The following ARID2 variants were observed in gnomAD, a reference collection of about 807,000 sequenced individuals.
ARID2 encodes the protein AT-rich interaction domain 2, also known as AT-rich interactive domain-containing protein 2.
Under a neutral mutation model 184.6 loss-of-function variants are expected in ARID2, and 32 were observed. The observed-to-expected ratio is 0.17, with a 90% confidence interval of 0.13 to 0.23. ARID2 has a LOEUF of 0.23. ARID2 is among the 10% of genes least tolerant of loss of function. The probability of loss-of-function intolerance (pLI) is 1.00; values close to 1 mark genes in which losing one functional copy is unlikely to be tolerated. For synonymous variants in ARID2, 836 were observed against 772.6 expected (o/e 1.08, Z -1.36); for missense variants, 1,696 against 2,197.6 (o/e 0.77, Z 4.56).
intron 16 of ARID2, among the ~76,000 whole-genome samples, chr12:45,876,127 T>G (rs1467848917): frequency 6.6e-6 from 1 of 152,256 alleles, no homozygotes; most frequent in African/African-American, 2.4e-5. Flanking sequence ...TTCCTTTCAC[T>G]TGAACACTGA....
Position 45,730,071 on chromosome 12 carries a change from G to T in ARID2, c.120G>T (p.Val40=), listed in dbSNP as rs201596354. Residue 40 remains valine, a synonymous_variant, in exon 2 of 21, where the codon GTG becomes GTT. Transcript: ENST00000334344. The part of the protein sequence containing the change: ...RGSPFKKIPA[V]GGKELDLHGL... ...CGCCTTTTAAAAAAATCCCTGCGGTGGGTGGGAAGGAGCTGGATCTTCACG... is the reference window on the plus strand; with the variant it reads ...CGCCTTTTAAAAAAATCCCTGCGGTTGGTGGGAAGGAGCTGGATCTTCACG... The T allele has an allele frequency of 2.4e-5, 39 of 1,613,670 alleles. No individual in the cohort carries two copies. The East Asian group carries it at 4.7e-4, about 19-fold the overall frequency.
intron 3 of ARID2, among the ~76,000 whole-genome samples, chr12:45,782,487 G>A (rs145767175): frequency 1.3e-5 from 2 of 152,028 alleles, no homozygotes; most frequent in Admixed American, 1.3e-4. Context: ...CAAAAATTAG[G>A]TGGGCATGTT....
intron 3 of ARID2, among the ~76,000 whole-genome samples, chr12:45,742,355 T>C (rs187385212): frequency 1.6e-4 from 24 of 152,352 alleles, no homozygotes; most frequent in Admixed American, 1.6e-3. Flanking sequence ...TAACATGCTG[T>C]ATAGGTATGT....
Position 45,747,184 on chromosome 12 carries a change from T to C in ARID2, c.284+15870T>C, listed in dbSNP as rs138999508. On this transcript the variant is annotated intron_variant, in intron 3 of 20. Transcript: ENST00000334344. ...TAAGGACTTCAAGGGAATAAAAATA[T>C]GAAAATGGTTAGGGTAGTTGTGGGA... Among the ~76,000 whole-genome samples, 121 of 152,340 alleles carry C rather than the reference T, an allele frequency of 7.9e-4. 1 individual carries two copies. Among genetic ancestry groups the C allele is most frequent in the African/African-American group, 2.8e-3 (118 of 41,590 alleles).
At chr12:45,887,368 C>A in intron 16 of ARID2, among the ~76,000 whole-genome samples, 1 of 151,938 alleles carries the variant, frequency 6.6e-6, no homozygotes, top group Admixed American at 6.6e-5. Flanking sequence ...ATTCTGGTTC[C>A]TTTCTTTTGA....
intron 3 of ARID2, among the ~76,000 whole-genome samples, chr12:45,769,616 GGAA>G (rs1490185627): frequency 6.6e-6 from 1 of 152,140 alleles, no homozygotes; most frequent in Non-Finnish European, 1.5e-5. Context: ...AACAGAAAAT[GGAA>G]GAAGGACTGA....
At chr12:45,806,590 C>T (rs1229357777) in intron 3 of ARID2, among the ~76,000 whole-genome samples, 1 of 152,104 alleles carries the variant, frequency 6.6e-6, no homozygotes, top group Non-Finnish European at 1.5e-5. Flanking sequence ...GTTTCTCAGG[C>T]TTACTTTGTA....
At position 45,851,823 on chromosome 12, in the gene ARID2, A is replaced by G. The variant is rs769648999; in HGVS notation, c.3700A>G (p.Thr1234Ala). 9 of 1,614,016 alleles carry G rather than the reference A, an allele frequency of 5.6e-6. No individual in the cohort carries two copies. Among genetic ancestry groups the G allele is most frequent in the Non-Finnish European group, 6.8e-6 (8 of 1,179,994 alleles). ...PAGQSSCTTATPPFKGDKIIC... is the reference protein window; with the variant it reads ...PAGQSSCTTAAPPFKGDKIIC... ...TGGACAATCATCATGTACTACTGCT[A>G]CTCCCCCATTCAAAGGTGATAAAAT... Residue 1234 changes from threonine (T) to alanine (A), a missense_variant, in exon 15 of 21, where the codon ACT becomes GCT. Around this residue, in one of 11 missense-constraint regions of ARID2, gnomAD observed 428 missense variants for 409.1 expected, o/e 1.05. Coordinates refer to ENST00000334344, the MANE Select transcript of ARID2 (RefSeq NM_152641.4).
chr12:45,801,202 C>T (rs897004960), intron 3 of ARID2, among the ~76,000 whole-genome samples: 7 of 151,756 alleles, frequency 4.6e-5, no homozygotes, highest in African/African-American at 1.5e-4. Flanking sequence ...GTCGCAGCTA[C>T]TTGGTAGGCT....
intron 16 of ARID2, chr12:45,881,779 C>A: frequency 5.3e-6 from 1 of 189,074 alleles, no homozygotes; most frequent in Non-Finnish European, 1.1e-5. Context: ...CTTGCAGAAT[C>A]AAGGGTCCTG....
At chr12:45,817,510 T>C (rs962102449) in intron 4 of ARID2, among the ~76,000 whole-genome samples, 160 bp from the exon 5 acceptor site, 3 of 148,590 alleles carry the variant, frequency 2.0e-5, no homozygotes, top group Non-Finnish European at 4.5e-5. Flanking sequence ...TTGAACGTTT[T>C]GAACCTCTAA....
chr12:45,818,149 T>C (rs992187488), intron 5 of ARID2, among the ~76,000 whole-genome samples: 3 of 152,176 alleles, frequency 2.0e-5, no homozygotes, highest in African/African-American at 7.2e-5. Flanking sequence ...GTTGAGACGA[T>C]TGCTTGCTAC....
intron 3 of ARID2, chr12:45,789,731 A>C (rs1364915901): frequency 6.6e-6 from 1 of 152,160 alleles, no homozygotes. Flanking sequence ...ACTAGTACTT[A>C]CAAGTTTTTC....
intron 3 of ARID2, among the ~76,000 whole-genome samples, chr12:45,744,999 G>A (rs916732347): frequency 3.3e-5 from 5 of 152,142 alleles, no homozygotes; most frequent in African/African-American, 7.2e-5. Flanking sequence ...GTGCAGGCAC[G>A]TGTGTGTGTA....
chr12:45,819,747 GT>G (rs199943110), intron 5 of ARID2, among the ~76,000 whole-genome samples: 91 of 143,306 alleles, frequency 6.4e-4, no homozygotes, highest in East Asian at 1.2e-3. Flanking sequence ...GTTTTTTTGG[GT>G]TTTTTTTTTT....
At chr12:45,810,983 G>A (rs541134369) in intron 3 of ARID2, among the ~76,000 whole-genome samples, 18 of 152,132 alleles carry the variant, frequency 1.2e-4, no homozygotes, top group African/African-American at 4.3e-4. Flanking sequence ...GCCGAGGTGG[G>A]TGGGTCACGA....
chr12:45,731,401 C>A, intron 3 of ARID2, 87 bp downstream of exon 3: 1 of 863,940 alleles, frequency 1.2e-6, no homozygotes, highest in Non-Finnish European at 1.9e-6. Context: ...GCAAACCTTG[C>A]ACACCAAACA....
At chr12:45,822,943 C>T (rs1308392006) in intron 6 of ARID2, among the ~76,000 whole-genome samples, 1 of 152,140 alleles carries the variant, frequency 6.6e-6, no homozygotes, top group East Asian at 1.9e-4. Context: ...AAACATCAGA[C>T]TTAATCTGCA....
At chr12:45,888,748 A>G (rs1944240312) in intron 16 of ARID2, among the ~76,000 whole-genome samples, 1 of 152,198 alleles carries the variant, frequency 6.6e-6, no homozygotes, top group African/African-American at 2.4e-5. Flanking sequence ...ATTTCAGAGG[A>G]ATCTTTTTTG....
Sources: gnomAD v4.1 joint callset for allele counts (sites outside exome capture counted in the v4.1 genomes callset) on GRCh38, gnomAD v4.1.1 for gene constraint, gnomAD v4.1.1 regional missense constraint, MANE v1.5 for transcripts, NCBI Gene and HGNC (gene_info 2026-07-23, HGNC 2026-07-21) for gene names.